Variants in PRKN observed in about 807,000 individuals in gnomAD.
PRKN encodes parkin RBR E3 ubiquitin protein ligase.
Under a neutral mutation model 59.5 loss-of-function variants are expected in PRKN, and 56 were observed. That is an observed-to-expected ratio of 0.94 (90% CI 0.76 to 1.18). The LOEUF (loss-of-function observed/expected upper bound fraction) is 1.18, where lower values mean the gene tolerates loss of function less well. PRKN is among the 50% of genes most tolerant of loss of function. The pLI, the probability that PRKN is intolerant of heterozygous loss-of-function variation, is 0.00. For missense variants in PRKN, 657 were observed against 596.4 expected (o/e 1.10, Z -1.06); for synonymous variants, 250 against 222.1 (o/e 1.13, Z -1.12).
chr6:162,152,938 C>T (rs946401507), intron 4 of PRKN, among the ~76,000 whole-genome samples: 4 of 152,110 alleles, frequency 2.6e-5, no homozygotes, highest in African/African-American at 9.7e-5. Context: ...ATGTGTTCCA[C>T]AAAAAAGCAG....
intron 2 of PRKN, among the ~76,000 whole-genome samples, chr6:162,304,284 T>C (rs1782112245): frequency 6.6e-6 from 1 of 150,680 alleles, no homozygotes; most frequent in Non-Finnish European, 1.5e-5. Context: ...GCTGTTTTTT[T>C]CTCCTATGTA....
chr6:161,646,756 G>A (rs1783971765), intron 7 of PRKN, among the ~76,000 whole-genome samples: 1 of 152,142 alleles, frequency 6.6e-6, no homozygotes, highest in Non-Finnish European at 1.5e-5. Flanking sequence ...AGCACAGTGG[G>A]ACCCTGGGAG....
Position 161,562,128 on chromosome 6 carries a change from G to T in PRKN, c.933+7227C>A, listed in dbSNP as rs191129392. ...TCAGCTTCCCAAACACCATAAATCA[G>T]CATTCCTCCTCTGGAAGCCCCGCCT... On this transcript the variant is annotated intron_variant, in intron 8 of 11. Transcript: ENST00000366898. The surrounding 1 kb of genome is among the most constrained non-coding windows in gnomAD (Gnocchi z 4.3). Among the ~76,000 whole-genome samples the T allele has an allele frequency of 6.7e-6, 1 of 149,782 alleles. No homozygotes were observed. The highest frequency in any genetic ancestry group is 2.5e-5 in the African/African-American group (1 of 40,596).
chr6:161,757,683 C>T (rs1417769256), intron 7 of PRKN, among the ~76,000 whole-genome samples: 1 of 151,712 alleles, frequency 6.6e-6, no homozygotes, highest in Non-Finnish European at 1.5e-5. Flanking sequence ...ACTAAAAATA[C>T]AAAAATTAGC....
At chr6:162,167,143 AT>A (rs1210322461) in intron 4 of PRKN, among the ~76,000 whole-genome samples, 1 of 152,190 alleles carries the variant, frequency 6.6e-6, no homozygotes, top group African/African-American at 2.4e-5. Flanking sequence ...GTAGAATTCC[AT>A]TTTCGCATTG....
intron 1 of PRKN, among the ~76,000 whole-genome samples, chr6:162,516,536 G>A (rs1777868073): frequency 6.6e-6 from 1 of 152,166 alleles, no homozygotes; most frequent in Non-Finnish European, 1.5e-5. Flanking sequence ...CGGATCACTT[G>A]AGGTCAGGAG....
intron 1 of PRKN, among the ~76,000 whole-genome samples, chr6:162,483,592 A>T (rs1261538801): frequency 2.0e-5 from 3 of 151,822 alleles, no homozygotes; most frequent in East Asian, 3.9e-4. Context: ...AGACGGGGAA[A>T]GGAAAGAAGA....
intron 5 of PRKN, among the ~76,000 whole-genome samples, chr6:162,041,120 G>T (rs1784054073): frequency 6.6e-6 from 1 of 152,062 alleles, no homozygotes; most frequent in African/African-American, 2.4e-5. Context: ...AGGAGGCAGG[G>T]GTTGCGACCA....
At chr6:162,169,914 A>C (rs1036372869) in intron 4 of PRKN, among the ~76,000 whole-genome samples, 3 of 152,216 alleles carry the variant, frequency 2.0e-5, no homozygotes, top group Non-Finnish European at 2.9e-5. Flanking sequence ...TGGGGATGAC[A>C]TTCTGATACT....
intron 9 of PRKN, among the ~76,000 whole-genome samples, chr6:161,515,420 A>C (rs1014740472): frequency 2.6e-5 from 4 of 152,126 alleles, no homozygotes; most frequent in Non-Finnish European, 5.9e-5. Flanking sequence ...AATTTTGTGG[A>C]GCTTATTCTT....
rs955388645 is a variant in PRKN, at chr6:161,399,028, C to A, written c.1084-12151G>T. Among the ~76,000 whole-genome samples, 4 of 152,078 alleles carry A rather than the reference C, an allele frequency of 2.6e-5. No individual in the cohort carries two copies. The highest frequency in any genetic ancestry group is 9.7e-5 in the African/African-American group (4 of 41,396). On this transcript the variant is annotated intron_variant, in intron 9 of 11. Transcript: ENST00000366898. The surrounding 1 kb of genome is among the most constrained non-coding windows in gnomAD (Gnocchi z 4.4). ...TCCTGTCCCTATATAAACTCCAAAC[C>A]CCAGGCTCCATGAGCAGAAGAGCAG...
chr6:162,557,117 G>C (rs1310847801), intron 1 of PRKN, among the ~76,000 whole-genome samples: 1 of 152,334 alleles, frequency 6.6e-6, no homozygotes, highest in South Asian at 2.1e-4. Context: ...ACAACAGAAA[G>C]CTGAACAATT....
chr6:162,002,776 G>A (rs1428233202), intron 5 of PRKN, among the ~76,000 whole-genome samples: 1 of 151,944 alleles, frequency 6.6e-6, no homozygotes, highest in Non-Finnish European at 1.5e-5. Context: ...CAATGCTGTA[G>A]ATTTCTCAAA....
At position 162,585,272 on chromosome 6, in the gene PRKN, AAATT is replaced by A. The variant is rs1780997025; in HGVS notation, c.8-141803_8-141800del. ...CGTAAGTACTTTTAACTCTAAAATA[AAATT>A]AATATCAAATCACAGTAAACATTTA... On this transcript the variant is annotated intron_variant, in intron 1 of 11. Coordinates refer to ENST00000366898, the MANE Select transcript of PRKN (RefSeq NM_004562.3). Among the ~76,000 whole-genome samples the A allele has an allele frequency of 3.3e-5, 5 of 152,134 alleles. 1 individual carries two copies. The highest frequency in any genetic ancestry group is 2.0e-4 in the Admixed American group (3 of 15,266).
intron 1 of PRKN, among the ~76,000 whole-genome samples, chr6:162,707,961 C>A (rs1778396498): frequency 6.6e-6 from 1 of 152,078 alleles, no homozygotes; most frequent in Admixed American, 6.5e-5. Flanking sequence ...GTGATCTGCC[C>A]ACCTTGGCCT....
chr6:161,925,835 G>A (rs1778949705), intron 6 of PRKN, among the ~76,000 whole-genome samples: 1 of 152,186 alleles, frequency 6.6e-6, no homozygotes, highest in African/African-American at 2.4e-5. Context: ...TTCTTTGCTA[G>A]TTGATGATGA....
intron 2 of PRKN, among the ~76,000 whole-genome samples, chr6:162,393,348 C>A (rs185931834): frequency 6.6e-6 from 1 of 151,494 alleles, no homozygotes; most frequent in Non-Finnish European, 1.5e-5. Context: ...TTAGTAGAGA[C>A]GGGGTTTCAC....
At chr6:161,642,834 T>A (rs779757414) in intron 7 of PRKN, among the ~76,000 whole-genome samples, 60 of 152,360 alleles carry the variant, frequency 3.9e-4, no homozygotes, top group Non-Finnish European at 6.8e-4. Flanking sequence ...AATTGATGCA[T>A]GTTTTATTAT....
At chr6:162,526,533 C>T (rs1046801326) in intron 1 of PRKN, among the ~76,000 whole-genome samples, 2 of 151,564 alleles carry the variant, frequency 1.3e-5, no homozygotes, top group African/African-American at 4.8e-5. Context: ...GCCTGCAGTC[C>T]CAGCTACTCA....
Sources: allele counts gnomAD v4.1 joint callset (sites outside exome capture counted in the v4.1 genomes callset), GRCh38; gene constraint gnomAD v4.1.1; non-coding constraint Gnocchi (gnomAD v3.1); transcripts MANE v1.5; gene names NCBI Gene and HGNC (gene_info 2026-07-23, HGNC 2026-07-21).